Variants in PKP2 observed in about 807,000 individuals in gnomAD.
PKP2 encodes plakophilin-2.
A neutral mutation model predicts 83.4 loss-of-function variants in PKP2; 73 were observed. The observed-to-expected ratio is 0.88, with a 90% confidence interval of 0.72 to 1.06. PKP2 has a LOEUF of 1.06. Among genes scored for constraint, PKP2 ranks in the 50% least tolerant of loss-of-function variants. PKP2 has a pLI of 0.00. For synonymous variants in PKP2, 409 were observed against 430.4 expected, an observed-to-expected ratio of 0.95 and a Z score of 0.62; for missense variants, 966 against 1,065.4, an observed-to-expected ratio of 0.91 and a Z score of 1.30.
intron 9 of PKP2, among the ~76,000 whole-genome samples, chr12:32,819,168 C>T (rs1312439167): frequency 2.0e-5 from 3 of 151,758 alleles, no homozygotes; most frequent in Non-Finnish European, 4.4e-5. Context: ...ATCCCAGCTA[C>T]TTGGGAGGCT....
chr12:32,860,714 T>C (rs1204064708), intron 4 of PKP2, among the ~76,000 whole-genome samples: 1 of 152,084 alleles, frequency 6.6e-6, no homozygotes, highest in African/African-American at 2.4e-5. Flanking sequence ...ATCCCAAAGC[T>C]TCAAGTAAAA....
chr12:32,802,120 TC>T (rs1956185873), intron 10 of PKP2, among the ~76,000 whole-genome samples: 1 of 152,148 alleles, frequency 6.6e-6, no homozygotes, highest in African/African-American at 2.4e-5. Flanking sequence ...GTGAAAAATA[TC>T]AACAATATTA....
chr12:32,792,483 T>G lies in PKP2; in HGVS notation c.2455A>C (p.Lys819Gln), dbSNP rs1235732912. ...CGGCTGTTGACAAAATCTGTCTTCT[T>G]AAACTGAGCCTTTGGAATAAGCAAA... The part of the protein sequence containing the change: ...LHHAYKKAQF[K>Q]KTDFVNSRTA... Residue 819 changes from lysine (K) to glutamine (Q), a missense_variant, in exon 13 of 13, where the codon AAG becomes CAG. Physicochemically the swap from Lys to Gln is moderately conservative, Grantham distance 53. Coordinates refer to ENST00000340811, the MANE Select transcript of PKP2 (RefSeq NM_001005242.3). 1.2e-6 allele frequency: 2 copies of G among 1,613,620 alleles called. No homozygotes were observed. The highest frequency in any genetic ancestry group is 1.7e-6 in the Non-Finnish European group (2 of 1,179,534).
intron 10 of PKP2, among the ~76,000 whole-genome samples, chr12:32,797,361 G>T (rs915767608): frequency 6.8e-6 from 1 of 146,620 alleles, no homozygotes; most frequent in Admixed American, 7.0e-5. Flanking sequence ...CACAAGAATT[G>T]CTTGAGCTTG....
chr12:32,848,964 G>A (rs899075418), intron 5 of PKP2, among the ~76,000 whole-genome samples: 4 of 144,522 alleles, frequency 2.8e-5, no homozygotes, highest in South Asian at 2.2e-4. Context: ...GAGTATTTCC[G>A]TTAAAAGTAT....
chr12:32,818,161 C>A (rs1045979705), intron 9 of PKP2, among the ~76,000 whole-genome samples: 1 of 152,182 alleles, frequency 6.6e-6, no homozygotes, highest in Non-Finnish European at 1.5e-5. Context: ...AAATAAAGGG[C>A]TTTTAAAACT....
chr12:32,802,381 A>G (rs775898631), intron 10 of PKP2, 22 bp downstream of exon 10: 2 of 1,609,970 alleles, frequency 1.2e-6, no homozygotes, highest in African/African-American at 2.7e-5. Flanking sequence ...CATATTACAC[A>G]TAGATACTTA....
intron 4 of PKP2, among the ~76,000 whole-genome samples, chr12:32,858,170 G>T (rs1956772040): frequency 7.6e-6 from 1 of 130,896 alleles, no homozygotes; most frequent in Non-Finnish European, 1.6e-5. Context: ...ATAAAAGCCA[G>T]GCGAGTCCAT....
rs879168083 is a variant in PKP2 at position 32,841,164 on chromosome 12, G to T, written c.1420C>A (p.Leu474Ile). 3.7e-6 allele frequency: 6 copies of T among 1,613,658 alleles called. No individual in the cohort carries two copies. The highest frequency in any genetic ancestry group is 4.2e-6 in the Non-Finnish European group (5 of 1,179,604). Residue 474 changes from leucine to isoleucine, a missense_variant, in exon 6 of 13, where the codon CTC becomes ATC. Physicochemically the swap from Leu to Ile is conservative, Grantham distance 5. Coordinates refer to ENST00000340811, the MANE Select transcript of PKP2 (RefSeq NM_001005242.3). ...NLSSNDKLKNLMITEALLTLT... is the reference protein window; with the variant it reads ...NLSSNDKLKNIMITEALLTLT... ...GTAAGCAATGCTTCTGTTATCATGA[G>T]ATTCTTGAGTTTGTCATTAGATGAC...
chr12:32,872,206 C>A (rs1242058000), intron 3 of PKP2, among the ~76,000 whole-genome samples: 1 of 152,056 alleles, frequency 6.6e-6, no homozygotes, highest in Admixed American at 6.6e-5. Flanking sequence ...TACCACTGGT[C>A]AGAATACGAG....
At chr12:32,839,863 T>G (rs1408940758) in intron 6 of PKP2, among the ~76,000 whole-genome samples, 1 of 152,220 alleles carries the variant, frequency 6.6e-6, no homozygotes, top group African/African-American at 2.4e-5. Context: ...GAAGGCCACT[T>G]AGGCACTTCT....
chr12:32,872,764 A>T (rs1260524840), intron 3 of PKP2, among the ~76,000 whole-genome samples: 3 of 152,182 alleles, frequency 2.0e-5, no homozygotes, highest in Non-Finnish European at 4.4e-5. Context: ...TTAAAGTAGG[A>T]TGAAAGCAAT....
At chr12:32,805,402 G>A (rs1186751928) in intron 9 of PKP2, among the ~76,000 whole-genome samples, 3 of 152,114 alleles carry the variant, frequency 2.0e-5, no homozygotes, top group Non-Finnish European at 4.4e-5. Context: ...GAATGGTATT[G>A]CCTAGATTTT....
At chr12:32,866,196 T>C (rs1317340526) in intron 4 of PKP2, among the ~76,000 whole-genome samples, 1 of 151,758 alleles carries the variant, frequency 6.6e-6, no homozygotes, top group Non-Finnish European at 1.5e-5. Context: ...CAAAACAAAA[T>C]GGGCAAAAGA....
chr12:32,880,393 C>G (rs1956974845), intron 1 of PKP2, among the ~76,000 whole-genome samples: 1 of 152,006 alleles, frequency 6.6e-6, no homozygotes, highest in Non-Finnish European at 1.5e-5. Context: ...GAGCAAGACT[C>G]CTGTCTCAAA....
rs150912421 is a variant in PKP2 at position 32,809,728 on chromosome 12, C to G, written c.2014-7172G>C. 5.5e-3 allele frequency among the ~76,000 whole-genome samples: 813 copies of G among 149,144 alleles called. 7 individuals are homozygous for G. Among genetic ancestry groups the G allele is most frequent in the African/African-American group, 0.016 (667 of 40,956 alleles). ...TGGTAGCGTGGGCTCATGAGGGGATCTCCTGATCCACAAGTTGCAAAGATC... is the reference window on the plus strand; with the variant it reads ...TGGTAGCGTGGGCTCATGAGGGGATGTCCTGATCCACAAGTTGCAAAGATC... On this transcript the variant is annotated intron_variant, in intron 9 of 12. Coordinates refer to ENST00000340811, the MANE Select transcript of PKP2 (RefSeq NM_001005242.3).
intron 9 of PKP2, among the ~76,000 whole-genome samples, chr12:32,808,660 T>A (rs1453771780): frequency 6.6e-6 from 1 of 152,194 alleles, no homozygotes; most frequent in Non-Finnish European, 1.5e-5. Context: ...TTTGTGGGCT[T>A]ATCTACCTTC....
rs755511775 is a variant in PKP2 at position 32,879,046 on chromosome 12, A to G, written c.224-14T>C. 5 of 1,265,552 alleles carry G rather than the reference A, an allele frequency of 4.0e-6. No individual in the cohort carries two copies. The Admixed American group carries it at 8.4e-5, about 21-fold the overall frequency. The allele number at this position is 1,265,552 out of a possible 1,614,324, so 78.4% of individuals were successfully genotyped here. A position where few individuals can be genotyped will look rare whatever the true frequency, so the allele number is the denominator to read the frequency against. On this transcript the variant is annotated splice_polypyrimidine_tract_variant and intron_variant, in intron 1 of 12. Coordinates refer to ENST00000340811, the MANE Select transcript of PKP2 (RefSeq NM_001005242.3). Reference sequence around the variant, plus strand: ...GGTGAAGATTTCCTGCAATCAAGCAAATATTAAAATAACTCAGAATACAAG... The same window carrying G: ...GGTGAAGATTTCCTGCAATCAAGCAGATATTAAAATAACTCAGAATACAAG...
intron 9 of PKP2, among the ~76,000 whole-genome samples, chr12:32,812,965 C>T (rs186977521): frequency 6.6e-6 from 1 of 152,156 alleles, no homozygotes; most frequent in Non-Finnish European, 1.5e-5. Context: ...TAGCTGTAAA[C>T]TATCGTGGGC....
Sources: gnomAD v4.1 joint callset for allele counts (sites outside exome capture counted in the v4.1 genomes callset) on GRCh38, gnomAD v4.1.1 for gene constraint, MANE v1.5 for transcripts, NCBI Gene and HGNC (gene_info 2026-07-23, HGNC 2026-07-21) for gene names.